KHDRBS2: variants seen among roughly 807,000 people sequenced by gnomAD.
The protein encoded by KHDRBS2 is KH RNA binding domain containing, signal transduction associated 2.
A neutral mutation model predicts 44.3 loss-of-function variants in KHDRBS2; 26 were observed. The observed-to-expected ratio is 0.59, with a 90% CI of 0.43 to 0.81. The LOEUF (loss-of-function observed/expected upper bound fraction) is 0.81, where lower values mean the gene tolerates loss of function less well. KHDRBS2 is among the 40% of genes least tolerant of loss of function. The probability of loss-of-function intolerance (pLI) is 0.00; values close to 1 mark genes in which losing one functional copy is unlikely to be tolerated. For synonymous variants in KHDRBS2, 194 were observed against 151.1 expected, an observed-to-expected ratio of 1.28 and a Z score of -2.08; for missense variants, 476 against 433.1, an observed-to-expected ratio of 1.10 and a Z score of -0.88.
At chr6:61,833,990 A>G (rs764069512) in intron 6 of KHDRBS2, among the ~76,000 whole-genome samples, 3 of 152,132 alleles carry the variant, frequency 2.0e-5, no homozygotes, top group African/African-American at 7.2e-5. Context: ...TATAAAAGAG[A>G]AATGGACAAA....
Position 62,127,230 on chromosome 6 carries a change from T to C in KHDRBS2, c.219+49955A>G, listed in dbSNP as rs184293968. 2.4e-3 allele frequency among the ~76,000 whole-genome samples: 361 copies of C among 152,290 alleles called. 1 individual carries two copies. The highest frequency in any genetic ancestry group is 2.5e-3 in the Non-Finnish European group (168 of 68,018). On this transcript the variant is annotated intron_variant, in intron 2 of 8. Transcript: ENST00000281156. ...ATAATTGTCATGTATATATTGAAAG[T>C]GTTTTGAAGATAGAGATAGATATTC...
At chr6:61,743,894 C>G (rs912614945) in intron 6 of KHDRBS2, among the ~76,000 whole-genome samples, 15 of 149,524 alleles carry the variant, frequency 1.0e-4, no homozygotes, top group African/African-American at 3.4e-4. Flanking sequence ...GTTTTTTGTC[C>G]TTGCGATAGT....
the KHDRBS2 span, among the ~76,000 whole-genome samples, chr6:61,555,441 G>A: frequency 1.3e-5 from 2 of 152,058 alleles, no homozygotes; most frequent in Non-Finnish European, 2.9e-5. Context: ...CCATGGATTG[G>A]ATTTCAACTT....
At chr6:61,696,467 C>T (rs1309386192) in intron 8 of KHDRBS2, among the ~76,000 whole-genome samples, 1 of 151,772 alleles carries the variant, frequency 6.6e-6, no homozygotes, top group Non-Finnish European at 1.5e-5. Context: ...CCATGTTGGC[C>T]AAGATGGTCT....
chr6:61,812,855 C>T (rs1788344113), intron 6 of KHDRBS2, among the ~76,000 whole-genome samples: 1 of 151,998 alleles, frequency 6.6e-6, no homozygotes, highest in South Asian at 2.1e-4. Context: ...GGCCTCAGTA[C>T]ATTTTCACAT....
At chr6:62,065,926 T>C (rs1361281478) in intron 2 of KHDRBS2, among the ~76,000 whole-genome samples, 1 of 151,802 alleles carries the variant, frequency 6.6e-6, no homozygotes, top group African/African-American at 2.4e-5. Context: ...AATTATTTAC[T>C]ATGCTTCTGC....
intron 1 of KHDRBS2, 30 bp from the exon 2 acceptor site, chr6:62,177,342 T>C (rs757031173): frequency 5.8e-6 from 9 of 1,545,650 alleles, no homozygotes; most frequent in Non-Finnish European, 7.9e-6. Context: ...AGAAAACAAG[T>C]GAAATGAGGA....
chr6:61,811,879 C>T (rs965587549), intron 6 of KHDRBS2, among the ~76,000 whole-genome samples: 8 of 151,994 alleles, frequency 5.3e-5, no homozygotes, highest in South Asian at 2.1e-4. Flanking sequence ...ATGTACAATT[C>T]GGTTTACACT....
intron 1 of KHDRBS2, among the ~76,000 whole-genome samples, chr6:62,217,069 C>A (rs1830132887): frequency 6.7e-6 from 1 of 148,434 alleles, no homozygotes; most frequent in Non-Finnish European, 1.5e-5. Flanking sequence ...AACCCTGACA[C>A]TATGTTATTT....
At chr6:62,156,393 C>T (rs998357186) in intron 2 of KHDRBS2, among the ~76,000 whole-genome samples, 1 of 152,002 alleles carries the variant, frequency 6.6e-6, no homozygotes, top group Admixed American at 6.6e-5. Flanking sequence ...ATTTATTTGG[C>T]CAGTTCGGTA....
the KHDRBS2 span, among the ~76,000 whole-genome samples, chr6:61,591,089 A>G: frequency 1.3e-5 from 2 of 152,200 alleles, no homozygotes; most frequent in African/African-American, 2.4e-5. Flanking sequence ...CAGGATGAGA[A>G]TGAAATCACA....
intron 2 of KHDRBS2, among the ~76,000 whole-genome samples, chr6:62,084,265 A>G (rs1219740893): frequency 2.0e-5 from 3 of 152,214 alleles, no homozygotes; most frequent in Non-Finnish European, 4.4e-5. Context: ...CTTCATCTTC[A>G]TGGACAGGCT....
intron 2 of KHDRBS2, among the ~76,000 whole-genome samples, chr6:62,083,961 T>C (rs1445785912): frequency 2.6e-5 from 4 of 152,198 alleles, no homozygotes; most frequent in African/African-American, 7.2e-5. Context: ...AAATGCTATA[T>C]GTAATTATGA....
chr6:62,023,178 G>C (rs1210420055), intron 3 of KHDRBS2, among the ~76,000 whole-genome samples: 1 of 151,704 alleles, frequency 6.6e-6, no homozygotes, highest in African/African-American at 2.4e-5. Flanking sequence ...TAATCCATAT[G>C]TAAGAATGTT....
chr6:61,544,566 G>T, the KHDRBS2 span, among the ~76,000 whole-genome samples: 1 of 152,060 alleles, frequency 6.6e-6, no homozygotes, highest in African/African-American at 2.4e-5. Context: ...AAAGTGGTAG[G>T]GAAGAGAAAA....
intron 7 of KHDRBS2, among the ~76,000 whole-genome samples, chr6:61,726,330 A>G (rs957616257): frequency 6.6e-6 from 1 of 152,206 alleles, no homozygotes; most frequent in African/African-American, 2.4e-5. Flanking sequence ...TAAATGGGCA[A>G]ATGCTGGAAG....
chr6:62,143,105 T>G (rs1241340779), intron 2 of KHDRBS2, among the ~76,000 whole-genome samples: 1 of 151,882 alleles, frequency 6.6e-6, no homozygotes, highest in Non-Finnish European at 1.5e-5. Flanking sequence ...CATAATTGAC[T>G]TATTCTGGTT....
At chr6:61,709,564 ATCT>A (rs1274286841) in intron 7 of KHDRBS2, among the ~76,000 whole-genome samples, 2 of 151,654 alleles carry the variant, frequency 1.3e-5, no homozygotes, top group Non-Finnish European at 3.0e-5. Flanking sequence ...ACTCTTCAAT[ATCT>A]TCTTTTCAGT....
intron 1 of KHDRBS2, among the ~76,000 whole-genome samples, chr6:62,273,690 C>T (rs1267585539): frequency 1.3e-5 from 2 of 152,108 alleles, no homozygotes; most frequent in South Asian, 4.1e-4. Context: ...GCTAGTAAAA[C>T]GTAAACCATT....
Sources: allele counts gnomAD v4.1 joint callset (sites outside exome capture counted in the v4.1 genomes callset), GRCh38; gene constraint gnomAD v4.1.1; transcripts MANE v1.5; gene names NCBI Gene and HGNC (gene_info 2026-07-23, HGNC 2026-07-21).